PDE7B: variants seen among roughly 807,000 people sequenced by gnomAD.
PDE7B encodes phosphodiesterase 7B, also known as 3',5'-cyclic-AMP phosphodiesterase 7B.
PDE7B carries 29 observed loss-of-function variants against 56.2 expected under a neutral mutation model. The observed-to-expected ratio is 0.52, with a 90% CI of 0.38 to 0.70. The LOEUF is 0.70. Among genes scored for constraint, PDE7B ranks in the 30% least tolerant of loss-of-function variants. PDE7B has a pLI of 0.00. For synonymous variants in PDE7B, 197 were observed against 196.9 expected, an observed-to-expected ratio of 1.00 and a Z score of 0.00; for missense variants, 490 against 565.0, an observed-to-expected ratio of 0.87 and a Z score of 1.35.
At chr6:135,870,065 A>C (rs1775346199) in intron 1 of PDE7B, among the ~76,000 whole-genome samples, 1 of 152,200 alleles carries the variant, frequency 6.6e-6, no homozygotes, top group Non-Finnish European at 1.5e-5. Context: ...CTCTGACTCC[A>C]GTGTGGAGAA....
chr6:135,966,072 A>G (rs1774992378), intron 2 of PDE7B, among the ~76,000 whole-genome samples: 2 of 152,196 alleles, frequency 1.3e-5, no homozygotes, highest in Admixed American at 1.3e-4. Flanking sequence ...TTAAAGCCAT[A>G]TGTTATATAT....
At chr6:136,000,639 T>G (rs567409150) in intron 2 of PDE7B, among the ~76,000 whole-genome samples, 69 of 152,206 alleles carry the variant, frequency 4.5e-4, no homozygotes, top group Non-Finnish European at 7.9e-4. Flanking sequence ...ACCATGCTGT[T>G]TTGGTTACTG....
intron 2 of PDE7B, among the ~76,000 whole-genome samples, chr6:136,056,635 G>A (rs1229080804): frequency 7.3e-6 from 1 of 136,074 alleles, no homozygotes; most frequent in East Asian, 2.4e-4. Flanking sequence ...GGGTTCAATC[G>A]ATTCTCCTGC....
At chr6:135,978,072 A>C (rs2128203865) in intron 2 of PDE7B, among the ~76,000 whole-genome samples, 1 of 152,282 alleles carries the variant, frequency 6.6e-6, no homozygotes, top group African/African-American at 2.4e-5. Context: ...GAAATGCATC[A>C]CTAGCCTATT....
chr6:136,054,583 T>G (rs1217889375), intron 2 of PDE7B, among the ~76,000 whole-genome samples: 1 of 152,214 alleles, frequency 6.6e-6, no homozygotes, highest in Non-Finnish European at 1.5e-5. Flanking sequence ...TTTTTCCAAT[T>G]CTGTGAAGAA....
At chr6:135,997,234 T>C (rs1775581275) in intron 2 of PDE7B, among the ~76,000 whole-genome samples, 1 of 151,314 alleles carries the variant, frequency 6.6e-6, no homozygotes, top group Non-Finnish European at 1.5e-5. Context: ...AGCAATATGG[T>C]GAGGCCCTGT....
At chr6:135,958,252 C>T (rs1276354728) in intron 2 of PDE7B, among the ~76,000 whole-genome samples, 1 of 151,280 alleles carries the variant, frequency 6.6e-6, no homozygotes, top group East Asian at 1.9e-4. Context: ...AAGAAAACTG[C>T]CTCTTCCTCA....
chr6:136,144,220 CTCT>C (rs565591533), intron 3 of PDE7B, among the ~76,000 whole-genome samples: 318 of 152,138 alleles, frequency 2.1e-3, no homozygotes, highest in African/African-American at 6.9e-3. Context: ...CACATTTTTT[CTCT>C]TCTTAAATTT....
chr6:136,173,599 G>T (rs1210569357), intron 8 of PDE7B, among the ~76,000 whole-genome samples, 198 bp from the exon 9 acceptor site: 4 of 152,098 alleles, frequency 2.6e-5, no homozygotes. Context: ...AGGCCCTGCT[G>T]TTCTCCCATC....
intron 1 of PDE7B, among the ~76,000 whole-genome samples, chr6:135,934,796 A>T (rs1202746465): frequency 8.4e-6 from 1 of 119,664 alleles, no homozygotes; most frequent in Non-Finnish European, 1.6e-5. Context: ...ATATATTTTA[A>T]ATATATATAT....
In PDE7B at chr6:136,026,442, C is replaced by T. The variant is rs564212271; in HGVS notation, c.82+78918C>T. Among the ~76,000 whole-genome samples the T allele has an allele frequency of 2.6e-5, 4 of 152,248 alleles. No homozygotes were observed. The South Asian group carries it at 8.3e-4, about 32-fold the overall frequency. The stretch of plus-strand genomic sequence containing the variant: ...TTGAGAAATATGAGATGTAATCCTG[C>T]CATGAAGAACAGCTATAGAAAAAGG... On this transcript the variant is annotated intron_variant, in intron 2 of 12. Transcript: ENST00000308191.
chr6:135,933,087 G>T (rs1235604735), intron 1 of PDE7B, among the ~76,000 whole-genome samples: 1 of 152,112 alleles, frequency 6.6e-6, no homozygotes, highest in African/African-American at 2.4e-5. Context: ...TTAGAATAAG[G>T]TCATTTCCAA....
At chr6:135,961,382 G>A (rs1202817132) in intron 2 of PDE7B, among the ~76,000 whole-genome samples, 2 of 151,010 alleles carry the variant, frequency 1.3e-5, no homozygotes, top group African/African-American at 4.9e-5. Flanking sequence ...TACCAGCTGT[G>A]TACAAAAGTC....
At chr6:136,024,629 G>A (rs2128208442) in intron 2 of PDE7B, among the ~76,000 whole-genome samples, 1 of 152,186 alleles carries the variant, frequency 6.6e-6, no homozygotes, top group Middle Eastern at 3.4e-3. Flanking sequence ...TGGATTTCAT[G>A]GAATGCCTAC....
At chr6:136,024,203 GT>G (rs1776114337) in intron 2 of PDE7B, among the ~76,000 whole-genome samples, 1 of 152,188 alleles carries the variant, frequency 6.6e-6, no homozygotes, top group South Asian at 2.1e-4. Context: ...GTTCATCCAT[GT>G]TTTATAGAAA....
chr6:136,046,882 C>G (rs1011049023), intron 2 of PDE7B, among the ~76,000 whole-genome samples: 5 of 152,190 alleles, frequency 3.3e-5, no homozygotes, highest in Non-Finnish European at 1.5e-5. Flanking sequence ...AAACCTGTTA[C>G]TCTGAAGGCC....
chr6:136,021,644 CAA>C (rs57606305), intron 2 of PDE7B, among the ~76,000 whole-genome samples: 5 of 130,264 alleles, frequency 3.8e-5, no homozygotes, highest in African/African-American at 2.7e-5. Context: ...AACTCTGTCT[CAA>C]AAAAAAAAAA....
intron 2 of PDE7B, among the ~76,000 whole-genome samples, chr6:136,025,201 C>G (rs1228232853): frequency 6.6e-6 from 1 of 152,202 alleles, no homozygotes; most frequent in Non-Finnish European, 1.5e-5. Flanking sequence ...TCAGCATGCA[C>G]TGTGATTTAG....
chr6:135,880,399 T>C (rs368150147), intron 1 of PDE7B, among the ~76,000 whole-genome samples: 1 of 152,168 alleles, frequency 6.6e-6, no homozygotes, highest in African/African-American at 2.4e-5. Context: ...AAACATCATA[T>C]GTTTAGATGG....
Sources: allele counts gnomAD v4.1 joint callset (sites outside exome capture counted in the v4.1 genomes callset), GRCh38; gene constraint gnomAD v4.1.1; transcripts MANE v1.5; gene names NCBI Gene and HGNC (gene_info 2026-07-23, HGNC 2026-07-21).